The following KCNQ3 variants were observed in gnomAD, a reference collection of about 807,000 sequenced individuals.
The protein encoded by KCNQ3 is potassium voltage-gated channel subfamily KQT member 3.
A neutral mutation model predicts 92.5 loss-of-function variants in KCNQ3; 30 were observed. The observed-to-expected ratio is 0.32, with a 90% CI of 0.24 to 0.44. The LOEUF (loss-of-function observed/expected upper bound fraction) is 0.44. Ranked by LOEUF, KCNQ3 falls within the 20% of genes least tolerant of loss-of-function variation. The pLI, the probability that KCNQ3 is intolerant of heterozygous loss-of-function variation, is 1.00. For synonymous variants in KCNQ3, 450 were observed against 468.8 expected (o/e 0.96, Z 0.52); for missense variants, 913 against 1,140.3 (o/e 0.80, Z 2.87).
At chr8:132,457,695 G>A (rs1821973633) in intron 1 of KCNQ3, among the ~76,000 whole-genome samples, 1 of 152,154 alleles carries the variant, frequency 6.6e-6, no homozygotes, top group South Asian at 2.1e-4. Flanking sequence ...CTTTCAGCCT[G>A]TGTACCAATC....
At chr8:132,297,315 C>T (rs932203307) in intron 1 of KCNQ3, among the ~76,000 whole-genome samples, 18 of 151,970 alleles carry the variant, frequency 1.2e-4, no homozygotes, top group African/African-American at 2.9e-4. Flanking sequence ...GAGTAGGTTG[C>T]GAAAATTTTC....
intron 9 of KCNQ3, among the ~76,000 whole-genome samples, chr8:132,158,813 A>G (rs1183569323): frequency 6.6e-6 from 1 of 152,208 alleles, no homozygotes; most frequent in Non-Finnish European, 1.5e-5. Flanking sequence ...GTAAGTTACT[A>G]TTGGATTCTT....
chr8:132,267,228 A>G (rs1816010882), intron 1 of KCNQ3, among the ~76,000 whole-genome samples: 1 of 152,200 alleles, frequency 6.6e-6, no homozygotes, highest in East Asian at 1.9e-4. Flanking sequence ...CAAAGAAAAA[A>G]TTCCCCATTT....
At chr8:132,178,091 G>A (rs1826628515) in intron 4 of KCNQ3, among the ~76,000 whole-genome samples, 1 of 152,206 alleles carries the variant, frequency 6.6e-6, no homozygotes, top group South Asian at 2.1e-4. Context: ...AGCAGGCACT[G>A]GGGATCTATT....
At chr8:132,309,244 T>A (rs1817521571) in intron 1 of KCNQ3, among the ~76,000 whole-genome samples, 1 of 152,178 alleles carries the variant, frequency 6.6e-6, no homozygotes, top group Admixed American at 6.5e-5. Context: ...TAATATATAC[T>A]CCTTAATAAT....
In KCNQ3 at chr8:132,180,227, C is replaced by A. The variant is rs750016305; in HGVS notation, c.707G>T (p.Arg236Leu). 1 of 1,614,048 alleles carries A rather than the reference C, an allele frequency of 6.2e-7. No individual in the cohort carries two copies. Among genetic ancestry groups the A allele is most frequent in the Admixed American group, 1.7e-5 (1 of 60,010 alleles). The change falls in exon 4 of 15, where the codon CGC (arginine) becomes CTC (leucine). Residue 236 changes from arginine (R) to leucine (L), a missense_variant. Arg to Leu is a moderately radical substitution (Grantham distance 102). This residue lies in a region of KCNQ3 where 100 missense variants were observed against 217.6 expected (regional missense o/e 0.46). Coordinates refer to ENST00000388996, the MANE Select transcript of KCNQ3 (RefSeq NM_004519.4). ...LRSLRFLQILRMLRMDRRGGT... is the reference protein window; with the variant it reads ...LRSLRFLQILLMLRMDRRGGT... ...ACCTCTCCGGTCCATCCGCAGCATG[C>A]GCAGGATCTGCAGGAAGCGCAGGCT... is the stretch of plus-strand genomic sequence containing the variant.
chr8:132,162,024 G>A (rs555369448), intron 9 of KCNQ3, among the ~76,000 whole-genome samples: 1 of 152,334 alleles, frequency 6.6e-6, no homozygotes, highest in South Asian at 2.1e-4. Flanking sequence ...TGAGGTGGGT[G>A]AGCCACCAAA....
At chr8:132,437,531 T>C (rs1821428599) in intron 1 of KCNQ3, among the ~76,000 whole-genome samples, 1 of 152,242 alleles carries the variant, frequency 6.6e-6, no homozygotes, top group South Asian at 2.1e-4. Flanking sequence ...AGTTTACACA[T>C]AGAAATTTAA....
intron 6 of KCNQ3, 111 bp from the exon 7 acceptor site, chr8:132,172,804 G>A: frequency 1.3e-6 from 1 of 778,178 alleles, no homozygotes; most frequent in African/African-American, 1.7e-5. Flanking sequence ...TCAAGTCCTT[G>A]CAGTGACAAC....
chr8:132,141,463 T>A, intron 9 of KCNQ3, 132 bp from the exon 10 acceptor site: 4 of 804,704 alleles, frequency 5.0e-6, no homozygotes, highest in Non-Finnish European at 8.3e-6. Flanking sequence ...GTGCTGAATC[T>A]GACTCAGCAG....
At chr8:132,416,204 T>G (rs994456320) in intron 1 of KCNQ3, among the ~76,000 whole-genome samples, 1 of 152,204 alleles carries the variant, frequency 6.6e-6, no homozygotes, top group Non-Finnish European at 1.5e-5. Context: ...TGAAATTAAG[T>G]TCTATAAATA....
At chr8:132,302,278 A>G (rs1209552740) in intron 1 of KCNQ3, among the ~76,000 whole-genome samples, 1 of 152,216 alleles carries the variant, frequency 6.6e-6, no homozygotes, top group African/African-American at 2.4e-5. Context: ...AGTTTAAGAC[A>G]CTAGATATTT....
chr8:132,137,771 CT>C (rs1271799970), intron 12 of KCNQ3, 113 bp downstream of exon 12: 4 of 1,314,462 alleles, frequency 3.0e-6, no homozygotes, highest in Non-Finnish European at 4.3e-6. Flanking sequence ...GGATATTTGT[CT>C]TCTTAAAATC....
intron 1 of KCNQ3, among the ~76,000 whole-genome samples, chr8:132,429,861 CAAA>C (rs374921143): frequency 1.1e-4 from 7 of 64,084 alleles, no homozygotes; most frequent in Admixed American, 6.9e-4. Context: ...AACTCCTTCT[CAAA>C]AAAAAAAAAA....
chr8:132,153,643 A>C (rs1825702832), intron 9 of KCNQ3, among the ~76,000 whole-genome samples: 1 of 152,096 alleles, frequency 6.6e-6, no homozygotes, highest in Non-Finnish European at 1.5e-5. Flanking sequence ...ACTAGTATTC[A>C]TGGCATAAAT....
intron 1 of KCNQ3, among the ~76,000 whole-genome samples, chr8:132,312,627 TG>T (rs1232843332): frequency 6.6e-6 from 1 of 152,170 alleles, no homozygotes; most frequent in East Asian, 1.9e-4. Context: ...GGGAGAGACC[TG>T]GTAGGAGGTG....
chr8:132,240,650 G>T (rs1028460612), intron 1 of KCNQ3, among the ~76,000 whole-genome samples: 1 of 152,230 alleles, frequency 6.6e-6, no homozygotes, highest in South Asian at 2.1e-4. Flanking sequence ...ATAAGTCAGA[G>T]TGAGCCTCGC....
chr8:132,139,859 AC>A (rs1473198738), intron 11 of KCNQ3, among the ~76,000 whole-genome samples: 5 of 152,264 alleles, frequency 3.3e-5, no homozygotes, highest in Admixed American at 1.3e-4. Context: ...CAAGGCAGGT[AC>A]CTACGAGTCA....
At chr8:132,167,653 A>G (rs1434076188) in intron 8 of KCNQ3, among the ~76,000 whole-genome samples, 1 of 152,342 alleles carries the variant, frequency 6.6e-6, no homozygotes, top group Admixed American at 6.5e-5. Flanking sequence ...CTCTAGGGAC[A>G]TTATACTTTC....
Sources: gnomAD v4.1 joint callset for allele counts (sites outside exome capture counted in the v4.1 genomes callset) on GRCh38, gnomAD v4.1.1 for gene constraint, gnomAD v4.1.1 regional missense constraint, MANE v1.5 for transcripts, NCBI Gene and HGNC (gene_info 2026-07-23, HGNC 2026-07-21) for gene names.